SH3GL2: variants seen among roughly 807,000 people sequenced by gnomAD.
SH3GL2 encodes SH3 domain containing GRB2 like 2, endophilin A1.
In SH3GL2, 24 loss-of-function variants were observed where a neutral mutation model predicts 46.0. The observed-to-expected ratio is 0.52, with a 90% confidence interval of 0.38 to 0.73. SH3GL2 has a LOEUF of 0.73. Ranked by LOEUF, SH3GL2 falls within the 30% of genes least tolerant of loss-of-function variation. The pLI, the probability that SH3GL2 is intolerant of heterozygous loss-of-function variation, is 0.00. For synonymous variants in SH3GL2, 196 were observed against 147.1 expected, an observed-to-expected ratio of 1.33 and a Z score of -2.40; for missense variants, 413 against 424.2, an observed-to-expected ratio of 0.97 and a Z score of 0.23.
chr9:17,789,504 C>A lies in SH3GL2; in HGVS notation c.578C>A (p.Ser193Tyr). 6.2e-7 allele frequency: 1 copy of A among 1,613,312 alleles called. No homozygotes were observed. Among genetic ancestry groups the A allele is most frequent in the Non-Finnish European group, 8.5e-7 (1 of 1,179,462 alleles). Residue 193 changes from serine (S) to tyrosine (Y), a missense_variant, in exon 6 of 9, where the codon TCT becomes TAT. Physicochemically the swap from Ser to Tyr is moderately radical, Grantham distance 144. Around this residue, in one of 3 missense-constraint regions of SH3GL2, gnomAD observed 248 missense variants for 215.0 expected, o/e 1.15. Coordinates refer to ENST00000380607, the MANE Select transcript of SH3GL2 (RefSeq NM_003026.5). ...CAAGCTCTAGAGAAATTTGATGAGT[C>A]TAAGGAAATTGCTGAGTCAAGCATG... is the stretch of plus-strand genomic sequence containing the variant. ...LRQALEKFDESKEIAESSMFN... is the reference protein window; with the variant it reads ...LRQALEKFDEYKEIAESSMFN...
intron 2 of SH3GL2, among the ~76,000 whole-genome samples, chr9:17,748,488 G>A (rs2131132905): frequency 6.6e-6 from 1 of 152,138 alleles, no homozygotes; most frequent in East Asian, 1.9e-4. Flanking sequence ...GGCTGCCTCA[G>A]TTTTGCTGTT....
At chr9:17,615,554 C>G (rs1339372648) in intron 1 of SH3GL2, among the ~76,000 whole-genome samples, 1 of 149,596 alleles carries the variant, frequency 6.7e-6, no homozygotes, top group Non-Finnish European at 1.5e-5. Flanking sequence ...ACTCGGGAAG[C>G]TGAGGCAGGA....
At chr9:17,760,060 T>G (rs1226139628) in intron 2 of SH3GL2, among the ~76,000 whole-genome samples, 1 of 152,176 alleles carries the variant, frequency 6.6e-6, no homozygotes, top group African/African-American at 2.4e-5. Flanking sequence ...TCACAAGTTG[T>G]GTACTGCACA....
intron 1 of SH3GL2, among the ~76,000 whole-genome samples, chr9:17,586,529 G>A (rs1435705339): frequency 6.6e-6 from 1 of 152,130 alleles, no homozygotes; most frequent in Non-Finnish European, 1.5e-5. Flanking sequence ...AGGCATACCC[G>A]AGACTGGGTA....
chr9:17,694,698 TGA>T (rs1332947408), intron 1 of SH3GL2, among the ~76,000 whole-genome samples: 5 of 152,082 alleles, frequency 3.3e-5, no homozygotes, highest in African/African-American at 1.2e-4. Context: ...CTAAATAAAG[TGA>T]GAGAAACCGC....
At chr9:17,602,857 A>T (rs1818695863) in intron 1 of SH3GL2, among the ~76,000 whole-genome samples, 1 of 152,246 alleles carries the variant, frequency 6.6e-6, no homozygotes, top group South Asian at 2.1e-4. Flanking sequence ...CAATTATTGT[A>T]GACATTGATG....
intron 1 of SH3GL2, among the ~76,000 whole-genome samples, chr9:17,653,679 C>T (rs1278056635): frequency 6.6e-6 from 1 of 152,184 alleles, no homozygotes; most frequent in Non-Finnish European, 1.5e-5. Flanking sequence ...GCCATGAGAG[C>T]TCCTCGCCTT....
At chr9:17,709,936 A>C (rs1478963001) in intron 1 of SH3GL2, among the ~76,000 whole-genome samples, 3 of 151,878 alleles carry the variant, frequency 2.0e-5, no homozygotes, top group African/African-American at 7.3e-5. Context: ...ATATACCATT[A>C]ACAATAGAGT....
intron 1 of SH3GL2, among the ~76,000 whole-genome samples, chr9:17,739,434 T>C (rs910544571): frequency 6.6e-6 from 1 of 152,168 alleles, no homozygotes; most frequent in Non-Finnish European, 1.5e-5. Flanking sequence ...ATACTGTCTT[T>C]TTATATTTTC....
intron 1 of SH3GL2, among the ~76,000 whole-genome samples, chr9:17,579,913 C>T (rs527558870): frequency 6.6e-6 from 1 of 152,318 alleles, no homozygotes; most frequent in East Asian, 1.9e-4. Flanking sequence ...CAGGGCATGA[C>T]AAACAGTCTG....
At position 17,701,538 on chromosome 9, in the gene SH3GL2, G is replaced by A. The variant is rs562584351; in HGVS notation, c.46-45528G>A. ...GGTAGTAAAATAATTACCGTCATTC[G>A]ATGATATGATTGTATACCTAGAAAA... On this transcript the variant is annotated intron_variant, in intron 1 of 8. Coordinates refer to ENST00000380607, the MANE Select transcript of SH3GL2 (RefSeq NM_003026.5). Among the ~76,000 whole-genome samples, 4 of 152,216 alleles carry A rather than the reference G, an allele frequency of 2.6e-5. No individual in the cohort carries two copies. The East Asian group carries it at 5.8e-4, about 22-fold the overall frequency.
At chr9:17,677,454 T>G (rs1820640511) in intron 1 of SH3GL2, among the ~76,000 whole-genome samples, 1 of 152,116 alleles carries the variant, frequency 6.6e-6, no homozygotes, top group East Asian at 1.9e-4. Flanking sequence ...AACCAAGCAC[T>G]TATTTGGGGG....
chr9:17,785,404 T>C (rs1823928083), intron 3 of SH3GL2, among the ~76,000 whole-genome samples: 2 of 152,202 alleles, frequency 1.3e-5, no homozygotes, highest in South Asian at 4.1e-4. Flanking sequence ...TGATAACTTT[T>C]CTCATCTCTA....
chr9:17,587,977 A>G (rs1325749859), intron 1 of SH3GL2, among the ~76,000 whole-genome samples: 3 of 151,882 alleles, frequency 2.0e-5, no homozygotes, highest in Admixed American at 2.0e-4. Context: ...GCCAATTTCT[A>G]TGATGGAAAT....
intron 1 of SH3GL2, among the ~76,000 whole-genome samples, chr9:17,690,632 T>C (rs1213137609): frequency 1.3e-5 from 2 of 152,048 alleles, no homozygotes; most frequent in African/African-American, 4.8e-5. Context: ...GTGGTAGAAA[T>C]GTGCACTGTG....
chr9:17,684,250 A>G (rs1249976439), intron 1 of SH3GL2, among the ~76,000 whole-genome samples: 3 of 152,140 alleles, frequency 2.0e-5, no homozygotes, highest in African/African-American at 7.2e-5. Flanking sequence ...AGATTACAAA[A>G]AAGAGTGAAA....
intron 3 of SH3GL2, among the ~76,000 whole-genome samples, chr9:17,781,503 A>G (rs1189481852): frequency 2.6e-5 from 4 of 151,608 alleles, no homozygotes; most frequent in East Asian, 2.0e-4. Context: ...CCATTTGTCA[A>G]TTTTGGCTTT....
chr9:17,786,914 A>G (rs573162886), intron 4 of SH3GL2, among the ~76,000 whole-genome samples: 1 of 152,172 alleles, frequency 6.6e-6, no homozygotes, highest in South Asian at 2.1e-4. Flanking sequence ...TCACTTGTAT[A>G]TGGTACCTAG....
intron 1 of SH3GL2, among the ~76,000 whole-genome samples, chr9:17,650,862 A>G (rs992551519): frequency 6.6e-6 from 1 of 152,200 alleles, no homozygotes. Context: ...TTTATGAAAT[A>G]CATGTTTTCT....
Sources: gnomAD v4.1 joint callset for allele counts (sites outside exome capture counted in the v4.1 genomes callset) on GRCh38, gnomAD v4.1.1 for gene constraint, gnomAD v4.1.1 regional missense constraint, MANE v1.5 for transcripts, NCBI Gene and HGNC (gene_info 2026-07-23, HGNC 2026-07-21) for gene names.